Variants in KCNK3 observed in about 807,000 individuals in gnomAD.
KCNK3 encodes potassium channel subfamily K member 3.
In KCNK3, 9 loss-of-function variants were observed where a neutral mutation model predicts 27.3. That is an observed-to-expected ratio of 0.33 (90% CI 0.20 to 0.57). KCNK3 has a LOEUF of 0.57. Among genes scored for constraint, KCNK3 ranks in the 20% least tolerant of loss-of-function variants. KCNK3 has a pLI of 0.87. For missense variants in KCNK3, 391 were observed against 577.7 expected (o/e 0.68, Z 3.31); for synonymous variants, 278 against 273.8 (o/e 1.02, Z -0.15).
At chr2:26,716,379 A>G (rs1349627242) in intron 1 of KCNK3, among the ~76,000 whole-genome samples, 1 of 152,242 alleles carries the variant, frequency 6.6e-6, no homozygotes, top group Non-Finnish European at 1.5e-5. Flanking sequence ...TTATTATTCT[A>G]GAACTCAGAG....
intron 1 of KCNK3, among the ~76,000 whole-genome samples, chr2:26,697,840 T>C (rs997483473): frequency 6.6e-6 from 1 of 152,086 alleles, no homozygotes; most frequent in African/African-American, 2.4e-5. Context: ...CCACATGGCC[T>C]GAGAACCCTT....
At chr2:26,698,995 T>A (rs115939675) in intron 1 of KCNK3, among the ~76,000 whole-genome samples, 5,516 of 151,902 alleles carry the variant, frequency 0.036, 139 homozygotes, top group Middle Eastern at 0.068. Context: ...TGGTCAACAA[T>A]GGTGAAACCC....
In KCNK3 at chr2:26,693,343, C is replaced by T. The variant is rs1670194586; in HGVS notation, c.283+185C>T. ...TCCGCGGGGACGGAACTCGGGGAGG[C>T]GTCGATTCCTGGCTCCGGACCTGAC... is the stretch of plus-strand genomic sequence containing the variant. On this transcript the variant is annotated intron_variant, in intron 1 of 1. Transcript: ENST00000302909. This position sits in a 1 kb window ranked among gnomAD's most constrained non-coding sequence, Gnocchi z 5.5. 6.6e-6 allele frequency among the ~76,000 whole-genome samples: 1 copy of T among 152,332 alleles called. No homozygotes were observed. The highest frequency in any genetic ancestry group is 2.1e-4 in the South Asian group (1 of 4,830).
At position 26,705,157 on chromosome 2, in the gene KCNK3, G is replaced by T. The variant is rs145268476; in HGVS notation, c.283+11999G>T. Among the ~76,000 whole-genome samples the T allele has an allele frequency of 4.7e-4, 72 of 152,210 alleles. No homozygotes were observed. In the East Asian group the frequency reaches 6.4e-3, roughly 13 times the overall value. ...TTTTTAAATTTTAAGTAGAGACAGG[G>T]TCTTTCTATGTTGCCCAAGCTGGTC... On this transcript the variant is annotated intron_variant, in intron 1 of 1. Transcript: ENST00000302909.
intron 1 of KCNK3, among the ~76,000 whole-genome samples, chr2:26,695,704 G>T (rs1026921553): frequency 1.3e-5 from 2 of 152,234 alleles, no homozygotes; most frequent in African/African-American, 2.4e-5. Flanking sequence ...GTGCAGAAAT[G>T]AAAGGGTAGC....
At chr2:26,720,846 G>A (rs969231581) in intron 1 of KCNK3, among the ~76,000 whole-genome samples, 3 of 152,068 alleles carry the variant, frequency 2.0e-5, no homozygotes, top group Admixed American at 1.3e-4. Context: ...GCCTGAAGAG[G>A]GACAAACTCC....
intron 1 of KCNK3, among the ~76,000 whole-genome samples, chr2:26,698,043 T>C (rs537778703): frequency 1.3e-5 from 2 of 151,936 alleles, no homozygotes; most frequent in African/African-American, 4.8e-5. Flanking sequence ...GAGTTGAGAG[T>C]ATGACCCTGA....
chr2:26,710,700 CCCTTGGGATTCTAAGG>C lies in KCNK3; in HGVS notation c.284-16954_284-16939del, dbSNP rs1157556734. The stretch of plus-strand genomic sequence containing the variant: ...TGTCTGTAGCAGCCTCCAGCTCTGA[CCCTTGGGATTCTAAGG>C]CCTTGGGATTCTGAGGCCCTGCTGC... On this transcript the variant is annotated intron_variant, in intron 1 of 1. Transcript: ENST00000302909. Among the ~76,000 whole-genome samples the C allele has an allele frequency of 2.0e-5, 3 of 152,142 alleles. No individual in the cohort carries two copies. The East Asian group carries it at 5.8e-4, about 29-fold the overall frequency.
Position 26,729,775 on chromosome 2 carries a change from G to A in KCNK3, c.*1207G>A, listed in dbSNP as rs912927304. 6.7e-6 allele frequency: 1 copy of A among 148,892 alleles called. No individual in the cohort carries two copies. 9.2% of individuals were successfully genotyped at this position (148,892 alleles called of 1,614,324 possible). A position where few individuals can be genotyped will look rare whatever the true frequency, so the allele number is the denominator to read the frequency against. On this transcript the variant is annotated 3_prime_UTR_variant, in exon 2 of 2. Transcript: ENST00000302909. ...TGTTTGAGCCTGGGAGGTCGAGGCT[G>A]TAGTGAGCCCTGATTGCACCACTGT...
intron 1 of KCNK3, among the ~76,000 whole-genome samples, chr2:26,707,147 T>G (rs1212627645): frequency 6.6e-6 from 1 of 152,190 alleles, no homozygotes; most frequent in Non-Finnish European, 1.5e-5. Flanking sequence ...GAGAGCATTC[T>G]TGAGTGTGGC....
rs1390891144 is a variant in KCNK3 at position 26,726,788 on chromosome 2, G to C, written c.284-879G>C. Among the ~76,000 whole-genome samples, 2 of 152,014 alleles carry C rather than the reference G, an allele frequency of 1.3e-5. 1 individual carries two copies. Among genetic ancestry groups the C allele is most frequent in the Admixed American group, 1.3e-4 (2 of 15,264 alleles). On this transcript the variant is annotated intron_variant, in intron 1 of 1. Coordinates refer to ENST00000302909, the MANE Select transcript of KCNK3 (RefSeq NM_002246.3). ...ATCTTGGCTCAGGGTGGGCCAGGGT[G>C]GGGGCGGGGTACAGAGAGATTATCT...
chr2:26,695,180 A>G (rs1293894628), intron 1 of KCNK3, among the ~76,000 whole-genome samples: 1 of 152,172 alleles, frequency 6.6e-6, no homozygotes, highest in Non-Finnish European at 1.5e-5. Context: ...TACCTTAAGT[A>G]TGCCTGTCTG....
chr2:26,724,669 A>G, intron 1 of KCNK3: 1 of 960,612 alleles, frequency 1.0e-6, no homozygotes, highest in Non-Finnish European at 1.2e-6. Context: ...CTGCCTGGAC[A>G]GGGCAGTGGC....
At chr2:26,727,395 A>G (rs1663440073) in intron 1 of KCNK3, among the ~76,000 whole-genome samples, 2 of 152,150 alleles carry the variant, frequency 1.3e-5, no homozygotes, top group African/African-American at 2.4e-5. Flanking sequence ...CTCGAGTTCA[A>G]ACACGGTTGT....
rs1403377581 is a variant in KCNK3 at position 26,728,023 on chromosome 2, C to T, written c.640C>T (p.Leu214=). ...CGTGGCGCTGCAGAAGGACCAGGCC[C>T]TGCAGACGCAGCCGCAGTACGTGGC... is the stretch of plus-strand genomic sequence containing the variant. ...DYVALQKDQA[L]QTQPQYVAFS... Residue 214 remains leucine (L), a synonymous_variant, in exon 2 of 2, where the codon CTG becomes TTG. Transcript: ENST00000302909. The T allele has an allele frequency of 1.9e-6, 3 of 1,614,132 alleles. No individual in the cohort carries two copies. In the African/African-American group the frequency reaches 4.0e-5, roughly 22 times the overall value.
chr2:26,728,465 G>A lies in KCNK3; in HGVS notation c.1082G>A (p.Cys361Tyr), dbSNP rs749116440. 1 of 1,568,196 alleles carries A rather than the reference G, an allele frequency of 6.4e-7. No individual in the cohort carries two copies. Among genetic ancestry groups the A allele is most frequent in the South Asian group, 1.2e-5 (1 of 86,328 alleles). The change falls in exon 2 of 2, where the codon TGC becomes TAC. Residue 361 changes from cysteine (C) to tyrosine (Y), a missense_variant. Around this residue, in one of 4 missense-constraint regions of KCNK3, gnomAD observed 192 missense variants for 196.0 expected, o/e 0.98. Transcript: ENST00000302909. The part of the protein sequence containing the change: ...GRYSDTPSRR[C>Y]LCSGAPRSAI... ...TACAGCGACACGCCCTCGCGACGCT[G>A]CCTGTGCAGCGGGGCGCCACGCTCC...
chr2:26,705,777 G>T (rs962013337), intron 1 of KCNK3, among the ~76,000 whole-genome samples: 2 of 152,068 alleles, frequency 1.3e-5, no homozygotes, highest in East Asian at 3.9e-4. Context: ...CCAGAATGGG[G>T]ACAGAGTGAC....
chr2:26,693,216 T>C lies in KCNK3; in HGVS notation c.283+58T>C. The C allele has an allele frequency of 1.7e-6, 1 of 582,306 alleles. No homozygotes were observed. Among genetic ancestry groups the C allele is most frequent in the Admixed American group, 3.1e-5 (1 of 31,802 alleles). 36.1% of individuals were successfully genotyped at this position (582,306 alleles called of 1,614,324 possible). A position where few individuals can be genotyped will look rare whatever the true frequency, so the allele number is the denominator to read the frequency against. Reference sequence around the variant, plus strand: ...AGGGCTGGGCGCGGGGCTCCGGGAGTCGTCCGGGGCCGGCTGGGGCTGGGG... The same window carrying C: ...AGGGCTGGGCGCGGGGCTCCGGGAGCCGTCCGGGGCCGGCTGGGGCTGGGG... On this transcript the variant is annotated intron_variant, in intron 1 of 1. Transcript: ENST00000302909. The surrounding 1 kb of genome is among the most constrained non-coding windows in gnomAD (Gnocchi z 5.5).
intron 1 of KCNK3, among the ~76,000 whole-genome samples, chr2:26,701,669 C>A (rs1333445234): frequency 6.6e-6 from 1 of 152,216 alleles, no homozygotes; most frequent in Non-Finnish European, 1.5e-5. Context: ...TTGCCTGGCG[C>A]AGTGGCTCAT....
Sources: gnomAD v4.1 joint callset for allele counts (sites outside exome capture counted in the v4.1 genomes callset) on GRCh38, gnomAD v4.1.1 for gene constraint, gnomAD v4.1.1 regional missense constraint, Gnocchi (gnomAD v3.1) non-coding constraint, MANE v1.5 for transcripts, NCBI Gene and HGNC (gene_info 2026-07-23, HGNC 2026-07-21) for gene names.